LRRTM4: variants seen among roughly 807,000 people sequenced by gnomAD.
The protein encoded by LRRTM4 is leucine rich repeat transmembrane neuronal 4, also known as leucine-rich repeat transmembrane neuronal protein 4.
In LRRTM4, 25 loss-of-function variants were observed where a neutral mutation model predicts 47.6. The observed-to-expected ratio is 0.53, with a 90% CI of 0.38 to 0.73. LRRTM4 has a LOEUF of 0.73. Ranked by LOEUF, LRRTM4 falls within the 30% of genes least tolerant of loss-of-function variation. LRRTM4 has a pLI of 0.00. For missense variants in LRRTM4, 638 were observed against 713.4 expected (o/e 0.89, Z 1.20); for synonymous variants, 311 against 269.5 (o/e 1.15, Z -1.51).
intron 3 of LRRTM4, among the ~76,000 whole-genome samples, chr2:77,313,451 TGTAATCCTGTTGCTGTGATGTACC>T (rs1677529787): frequency 6.6e-6 from 1 of 151,206 alleles, no homozygotes; most frequent in African/African-American, 2.4e-5. Flanking sequence ...TACGTTTTCC[TGTAATCCTGTTGCTGTGATGTACC>T]TCCCTATGTT....
At chr2:77,078,941 G>C (rs1030405566) in intron 3 of LRRTM4, among the ~76,000 whole-genome samples, 1 of 152,144 alleles carries the variant, frequency 6.6e-6, no homozygotes, top group Non-Finnish European at 1.5e-5. Context: ...CTCATGGGTG[G>C]CTGTCCCTCA....
intron 3 of LRRTM4, among the ~76,000 whole-genome samples, chr2:77,313,296 TC>T (rs1677515071): frequency 7.6e-6 from 1 of 131,548 alleles, no homozygotes; most frequent in Admixed American, 7.1e-5. Flanking sequence ...CCCTAACTTT[TC>T]CTGGGACCTG....
chr2:77,147,708 G>A (rs1672297069), intron 3 of LRRTM4, among the ~76,000 whole-genome samples: 2 of 151,958 alleles, frequency 1.3e-5, no homozygotes, highest in African/African-American at 2.4e-5. Flanking sequence ...ACTCCCCCTT[G>A]GATGTAATTG....
At chr2:77,143,064 G>A (rs1672167692) in intron 3 of LRRTM4, among the ~76,000 whole-genome samples, 1 of 152,086 alleles carries the variant, frequency 6.6e-6, no homozygotes, top group Non-Finnish European at 1.5e-5. Flanking sequence ...GGCAACACAA[G>A]CCATTTATCA....
chr2:77,131,433 T>G (rs1194421913), intron 3 of LRRTM4, among the ~76,000 whole-genome samples: 2 of 152,200 alleles, frequency 1.3e-5, no homozygotes, highest in Non-Finnish European at 2.9e-5. Flanking sequence ...TGTGTTAAAT[T>G]CATAAAACAG....
At chr2:77,455,442 T>C (rs547342763) in intron 3 of LRRTM4, among the ~76,000 whole-genome samples, 2 of 152,242 alleles carry the variant, frequency 1.3e-5, no homozygotes, top group South Asian at 2.1e-4. Flanking sequence ...CCACCTGAAA[T>C]CCAAGTGGCT....
At chr2:77,316,552 C>CTT (rs11302099) in intron 3 of LRRTM4, among the ~76,000 whole-genome samples, 1 of 146,222 alleles carries the variant, frequency 6.8e-6, no homozygotes, top group Admixed American at 6.9e-5. Context: ...AAATTGCTAT[C>CTT]TTTTTTTTTT....
intron 3 of LRRTM4, among the ~76,000 whole-genome samples, chr2:76,952,137 T>C (rs969891600): frequency 6.6e-6 from 1 of 151,992 alleles, no homozygotes; most frequent in Non-Finnish European, 1.5e-5. Context: ...TAGGCTATAG[T>C]AGGCTTTTGG....
chr2:77,076,827 CAG>C (rs1424011597), intron 3 of LRRTM4, among the ~76,000 whole-genome samples: 1 of 152,094 alleles, frequency 6.6e-6, no homozygotes, highest in African/African-American at 2.4e-5. Flanking sequence ...TTTGAGAAAA[CAG>C]AAACTGTGAG....
chr2:76,813,373 T>C (rs1049068689), intron 3 of LRRTM4, among the ~76,000 whole-genome samples: 3 of 152,134 alleles, frequency 2.0e-5, no homozygotes, highest in African/African-American at 7.2e-5. Context: ...AGATGTCTTT[T>C]ATCAGCCCTG....
intron 3 of LRRTM4, among the ~76,000 whole-genome samples, chr2:76,959,815 T>C (rs1007833138): frequency 6.6e-5 from 10 of 151,648 alleles, no homozygotes; most frequent in African/African-American, 2.4e-4. Flanking sequence ...GAGAAGACTA[T>C]TGTGTCATTT....
intron 3 of LRRTM4, among the ~76,000 whole-genome samples, chr2:77,495,120 G>A (rs755674422): frequency 5.9e-5 from 9 of 152,034 alleles, no homozygotes; most frequent in Non-Finnish European, 1.2e-4. Context: ...TCATGCACAA[G>A]TCTTTGTATG....
chr2:77,150,854 A>G (rs946811289), intron 3 of LRRTM4, among the ~76,000 whole-genome samples: 1 of 151,988 alleles, frequency 6.6e-6, no homozygotes, highest in African/African-American at 2.4e-5. Flanking sequence ...CAGCTGCTAT[A>G]TTTTCTTCCC....
At chr2:77,252,041 T>C (rs577057566) in intron 3 of LRRTM4, among the ~76,000 whole-genome samples, 1 of 152,292 alleles carries the variant, frequency 6.6e-6, no homozygotes, top group Non-Finnish European at 1.5e-5. Context: ...GCAAGAAACT[T>C]TGAGGACTTT....
intron 3 of LRRTM4, among the ~76,000 whole-genome samples, chr2:77,429,745 A>G (rs983232941): frequency 1.3e-5 from 2 of 152,148 alleles, no homozygotes; most frequent in Non-Finnish European, 2.9e-5. Flanking sequence ...AAAGGATATA[A>G]AATTTCTATT....
chr2:77,371,615 T>C (rs1405035385), intron 3 of LRRTM4, among the ~76,000 whole-genome samples: 2 of 151,786 alleles, frequency 1.3e-5, no homozygotes, highest in African/African-American at 2.4e-5. Flanking sequence ...AGTGACCTTC[T>C]TCTTGCTCTA....
chr2:77,364,451 A>G (rs921643934), intron 3 of LRRTM4, among the ~76,000 whole-genome samples: 8 of 152,146 alleles, frequency 5.3e-5, no homozygotes, highest in African/African-American at 1.9e-4. Context: ...GCTCACTTAC[A>G]GGCAAAACCT....
rs186355485 is a variant in LRRTM4 at position 77,088,763 on chromosome 2, C to A, written c.1552-339847G>T. ...TCTTTGCTCCTTGAGAAAGATCCAC[C>A]TACGACCTCAGGTCCTCAGACCCAC... On this transcript the variant is annotated intron_variant, in intron 3 of 3. Coordinates refer to ENST00000409884, the MANE Select transcript of LRRTM4 (RefSeq NM_001134745.3). 1.7e-3 allele frequency among the ~76,000 whole-genome samples: 258 copies of A among 152,286 alleles called. 1 individual carries two copies. The highest frequency in any genetic ancestry group is 0.01 in the Middle Eastern group (3 of 294).
In LRRTM4 at chr2:77,276,192, T is replaced by C. The variant is rs532781634; in HGVS notation, c.1551+242126A>G. 5.3e-5 allele frequency among the ~76,000 whole-genome samples: 8 copies of C among 152,088 alleles called. No homozygotes were observed. The South Asian group carries it at 1.7e-3, about 32-fold the overall frequency. On this transcript the variant is annotated intron_variant, in intron 3 of 3. Coordinates refer to ENST00000409884, the MANE Select transcript of LRRTM4 (RefSeq NM_001134745.3). Reference sequence around the variant, plus strand: ...TATCAATAAATTATAATTCTAACCATTAAAAATAAGTCACTGATTTTGGAT... The same window carrying C: ...TATCAATAAATTATAATTCTAACCACTAAAAATAAGTCACTGATTTTGGAT...
Sources: gnomAD v4.1 joint callset for allele counts (sites outside exome capture counted in the v4.1 genomes callset) on GRCh38, gnomAD v4.1.1 for gene constraint, MANE v1.5 for transcripts, NCBI Gene and HGNC (gene_info 2026-07-23, HGNC 2026-07-21) for gene names.